Variants in ZNF761 observed in about 807,000 individuals in gnomAD.
ZNF761 encodes zinc finger protein 761.
Under a neutral mutation model 59.9 loss-of-function variants are expected in ZNF761, and 43 were observed. The observed-to-expected ratio is 0.72, with a 90% CI of 0.56 to 0.92. The LOEUF (loss-of-function observed/expected upper bound fraction) is 0.92, where lower values mean the gene tolerates loss of function less well. ZNF761 is among the 40% of genes least tolerant of loss of function. The pLI is 0.00. For missense variants in ZNF761, 850 were observed against 906.1 expected, an observed-to-expected ratio of 0.94 and a Z score of 0.79; for synonymous variants, 294 against 304.8, an observed-to-expected ratio of 0.96 and a Z score of 0.37.
Position 53,447,249 on chromosome 19 carries a change from G to C in ZNF761, c.-20G>C. 6.2e-7 allele frequency: 1 copy of C among 1,612,402 alleles called. No homozygotes were observed. The highest frequency in any genetic ancestry group is 8.5e-7 in the Non-Finnish European group (1 of 1,179,268). ...GAGGAAGAAACCCGGAAGAGGAAGA[G>C]GAGAGCAAAGGAGTCAGGGATGGCT... On this transcript the variant is annotated 5_prime_UTR_variant, in exon 3 of 5. Coordinates refer to ENST00000684525, the MANE Select transcript of ZNF761 (RefSeq NM_001289951.2).
At chr19:53,450,869 G>C (rs1351309775) in intron 4 of ZNF761, among the ~76,000 whole-genome samples, 2 of 151,920 alleles carry the variant, frequency 1.3e-5, no homozygotes, top group Admixed American at 1.3e-4. Context: ...TGTGATGGGC[G>C]CCTGTAATCC....
chr19:53,433,032 G>C (rs2085990452), intron 1 of ZNF761, among the ~76,000 whole-genome samples: 1 of 50,494 alleles, frequency 2.0e-5, no homozygotes, highest in African/African-American at 1.1e-4. Context: ...TGGGGTGCTA[G>C]AGAGTGGGGA....
At chr19:53,441,062 A>G (rs2086094437) in intron 1 of ZNF761, among the ~76,000 whole-genome samples, 1 of 152,182 alleles carries the variant, frequency 6.6e-6, no homozygotes, top group East Asian at 1.9e-4. Context: ...CGAGTGGGTC[A>G]CCTAAGGTGA....
intron 1 of ZNF761, among the ~76,000 whole-genome samples, chr19:53,441,453 G>GTT (rs71185882): frequency 5.5e-5 from 8 of 144,560 alleles, no homozygotes; most frequent in African/African-American, 2.1e-4. Flanking sequence ...TTTGTTTTTT[G>GTT]TTTTTTTTTT....
At chr19:53,453,830 C>G (rs1403080969) in intron 4 of ZNF761, among the ~76,000 whole-genome samples, 1 of 152,102 alleles carries the variant, frequency 6.6e-6, no homozygotes, top group East Asian at 1.9e-4. Flanking sequence ...GAGCCGAGAT[C>G]AGGCCATTGA....
intron 1 of ZNF761, among the ~76,000 whole-genome samples, chr19:53,439,303 T>G (rs1033877047): frequency 6.6e-6 from 1 of 151,594 alleles, no homozygotes; most frequent in South Asian, 2.1e-4. Flanking sequence ...GGTAGTTGTT[T>G]TTGTTGTTGT....
Position 53,457,138 on chromosome 19 carries a change from A to G in ZNF761, c.*390A>G, listed in dbSNP as rs1353575384. On this transcript the variant is annotated 3_prime_UTR_variant, in exon 5 of 5. Coordinates refer to ENST00000684525, the MANE Select transcript of ZNF761 (RefSeq NM_001289951.2). ...ACACTTGTTTACCGTCAGGCAATCCATGGTGTAGGGAAACTTTACTAAGGT... is the reference window on the plus strand; with the variant it reads ...ACACTTGTTTACCGTCAGGCAATCCGTGGTGTAGGGAAACTTTACTAAGGT... The G allele has an allele frequency of 7.7e-6, 4 of 522,730 alleles. No individual in the cohort carries two copies. Among genetic ancestry groups the G allele is most frequent in the African/African-American group, 1.9e-5 (1 of 51,624 alleles). The allele number at this position is 522,730 out of a possible 1,614,324, so 32.4% of individuals were successfully genotyped here.
rs572952840 is a variant in ZNF761 at position 53,450,031 on chromosome 19, T to A, written c.142+393T>A. 70 of 436,954 alleles carry A rather than the reference T, an allele frequency of 1.6e-4. 1 individual carries two copies. The highest frequency in any genetic ancestry group is 2.6e-4 in the South Asian group (4 of 15,578). The allele number at this position is 436,954 out of a possible 1,614,324, so 27.1% of individuals were successfully genotyped here. On this transcript the variant is annotated intron_variant, in intron 4 of 4. Coordinates refer to ENST00000684525, the MANE Select transcript of ZNF761 (RefSeq NM_001289951.2). ...GATTTTTGCATATGTGTGGCCGGGC[T>A]TGGTGGCTCACGCCTGTAATCCCAG...
In ZNF761 at chr19:53,455,790, A is replaced by G. The variant is rs1234775953; in HGVS notation, c.1283A>G (p.His428Arg). The change falls in exon 5 of 5, where the codon CAT becomes CGT. Residue 428 changes from histidine (H) to arginine (R), a missense_variant. By Grantham distance (29) the His-to-Arg change is conservative (BLOSUM62 0). Coordinates refer to ENST00000684525, the MANE Select transcript of ZNF761 (RefSeq NM_001289951.2). ...AYSFRSNFEI[H>R]RKIHTEDNAY... ...AGTTTCAGATCAAATTTTGAAATAC[A>G]TCGGAAAATTCATACTGAAGACAAT... The G allele has an allele frequency of 1.1e-5, 17 of 1,614,050 alleles. No homozygotes were observed. Among genetic ancestry groups the G allele is most frequent in the Non-Finnish European group, 1.3e-5 (15 of 1,180,014 alleles).
In ZNF761 at chr19:53,457,467, G is replaced by A; in HGVS notation, c.*719G>A. The A allele has an allele frequency of 2.5e-6, 1 of 402,914 alleles. No individual in the cohort carries two copies. 25.0% of individuals were successfully genotyped at this position (402,914 alleles called of 1,614,324 possible). A position where few individuals can be genotyped will look rare whatever the true frequency, so the allele number is the denominator to read the frequency against. On this transcript the variant is annotated 3_prime_UTR_variant, in exon 5 of 5. Coordinates refer to ENST00000684525, the MANE Select transcript of ZNF761 (RefSeq NM_001289951.2). ...CACACCTCATGAGACATCAGAGAAT[G>A]CATACTGGACAGAAATCTTACAAAT...
Position 53,455,624 on chromosome 19 carries a change from C to G in ZNF761, c.1117C>G (p.His373Asp), listed in dbSNP as rs1038200527. Residue 373 changes from histidine (H) to aspartate (D), a missense_variant, in exon 5 of 5, where the codon CAT becomes GAT. Coordinates refer to ENST00000684525, the MANE Select transcript of ZNF761 (RefSeq NM_001289951.2). ...TCACAAGTCATCCCTTACATGCCAT[C>G]ATAGACTTCATACTGGAGAGAAACC... The part of the protein sequence containing the change: ...FSHKSSLTCH[H>D]RLHTGEKPYK... 1 of 1,613,738 alleles carries G rather than the reference C, an allele frequency of 6.2e-7. No individual in the cohort carries two copies. The highest frequency in any genetic ancestry group is 1.7e-5 in the Admixed American group (1 of 59,966).
intron 1 of ZNF761, among the ~76,000 whole-genome samples, chr19:53,435,321 T>C (rs1209030407): frequency 8.2e-6 from 1 of 121,602 alleles, no homozygotes; most frequent in Non-Finnish European, 1.6e-5. Flanking sequence ...TTTTTTTTTT[T>C]GAGATGGAGT....
At chr19:53,440,446 A>G (rs576675236) in intron 1 of ZNF761, among the ~76,000 whole-genome samples, 51 of 151,546 alleles carry the variant, frequency 3.4e-4, no homozygotes, top group Non-Finnish European at 4.3e-4. Flanking sequence ...AAATTTGTTT[A>G]AATTATACAG....
At position 53,454,997 on chromosome 19, in the gene ZNF761, G is replaced by C. The variant is rs745751809; in HGVS notation, c.490G>C (p.Val164Leu). 6.2e-7 allele frequency: 1 copy of C among 1,614,042 alleles called. No homozygotes were observed. The highest frequency in any genetic ancestry group is 1.1e-5 in the South Asian group (1 of 91,086). Reference protein sequence around the residue: ...FQTEEKIDNQVVKSVHDASLV... With the variant: ...FQTEEKIDNQLVKSVHDASLV... ...GACCGAAGAGAAAATTGATAATCAA[G>C]TTGTGAAGTCTGTCCACGATGCTTC... Residue 164 changes from valine to leucine, a missense_variant, in exon 5 of 5, where the codon GTT becomes CTT. Physicochemically the swap from Val to Leu is conservative, Grantham distance 32. Transcript: ENST00000684525.
intron 4 of ZNF761, chr19:53,449,925 C>A: frequency 1.7e-6 from 1 of 597,592 alleles, no homozygotes; most frequent in South Asian, 2.8e-5. Flanking sequence ...CTCCTGAGCT[C>A]AAGAGATCCT....
chr19:53,445,059 C>T (rs1345354080), intron 1 of ZNF761: 1 of 150,346 alleles, frequency 6.7e-6, no homozygotes, highest in African/African-American at 2.5e-5. Flanking sequence ...CGGCTCACTG[C>T]AACCTCCGCC....
At chr19:53,441,471 G>C (rs1014539388) in intron 1 of ZNF761, among the ~76,000 whole-genome samples, 6 of 143,130 alleles carry the variant, frequency 4.2e-5, no homozygotes, top group Non-Finnish European at 6.0e-5. Flanking sequence ...TTTTTTGGCA[G>C]AATCTCACGC....
Position 53,457,760 on chromosome 19 carries a change from GT to G in ZNF761, c.*1013del. Reference sequence around the variant, plus strand: ...TGAGCGCTTTGGGAGGCCAAGGTGGGTAGATCACTTGAGGTCAGGAGTTTGA... The same window carrying G: ...TGAGCGCTTTGGGAGGCCAAGGTGGGAGATCACTTGAGGTCAGGAGTTTGA... On this transcript the variant is annotated 3_prime_UTR_variant, in exon 5 of 5. Transcript: ENST00000684525. The G allele has an allele frequency of 6.2e-6, 1 of 160,164 alleles. No homozygotes were observed. Among genetic ancestry groups the G allele is most frequent in the Middle Eastern group, 3.2e-3 (1 of 312 alleles). 9.9% of individuals were successfully genotyped at this position (160,164 alleles called of 1,614,324 possible). A position where few individuals can be genotyped will look rare whatever the true frequency, so the allele number is the denominator to read the frequency against.
rs755940751 is a variant in ZNF761, at chr19:53,456,253, T to C, written c.1746T>C (p.Asp582=). The change falls in exon 5 of 5, where the codon GAT becomes GAC. Residue 582 remains aspartate, a synonymous_variant. Transcript: ENST00000684525. ...GAGAGAACCCTTACAAATGTGAAGA[T>C]AGTGACAAAGCTTACAGTTTCAAAT... ...HSGENPYKCE[D]SDKAYSFKSN... 8.7e-6 allele frequency: 14 copies of C among 1,612,096 alleles called. No homozygotes were observed. In the Admixed American group the frequency reaches 1.7e-4, roughly 19 times the overall value.
Sources: allele counts gnomAD v4.1 joint callset (sites outside exome capture counted in the v4.1 genomes callset), GRCh38; gene constraint gnomAD v4.1.1; transcripts MANE v1.5; gene names NCBI Gene and HGNC (gene_info 2026-07-23, HGNC 2026-07-21).